The following INSM1 variants were observed in gnomAD, a reference collection of about 807,000 sequenced individuals.
The protein encoded by INSM1 is insulinoma-associated protein 1.
In INSM1, 11 loss-of-function variants were observed where a neutral mutation model predicts 21.1. The observed-to-expected ratio is 0.52, with a 90% CI of 0.33 to 0.86. The LOEUF is 0.86. INSM1 is among the 40% of genes least tolerant of loss of function. The pLI is 0.03. For synonymous variants in INSM1, 473 were observed against 386.1 expected, an observed-to-expected ratio of 1.23 and a Z score of -2.64; for missense variants, 843 against 760.1, an observed-to-expected ratio of 1.11 and a Z score of -1.28.
Position 20,368,336 on chromosome 20 carries a change from C to A in INSM1, c.69C>A (p.Gly23=). 1 of 1,277,214 alleles carries A rather than the reference C, an allele frequency of 7.8e-7. No individual in the cohort carries two copies. Among genetic ancestry groups the A allele is most frequent in the Non-Finnish European group, 1.0e-6 (1 of 994,208 alleles). The allele number at this position is 1,277,214 out of a possible 1,614,324, so 79.1% of individuals were successfully genotyped here. Residue 23 remains glycine, a synonymous_variant, in exon 1 of 1, where the codon GGC becomes GGA. Coordinates refer to ENST00000310227, the MANE Select transcript of INSM1 (RefSeq NM_002196.3). This position sits in a 1 kb window ranked among gnomAD's most constrained non-coding sequence, Gnocchi z 4.3. The part of the protein sequence containing the change: ...STPVSYRVRG[G]EDGDRALLLS... ...CCGTTTCCTACCGGGTCCGCGGCGG[C>A]GAGGACGGCGACCGCGCACTGCTGC...
chr20:20,369,521 G>A lies in INSM1; in HGVS notation c.1254G>A (p.Ala418=), dbSNP rs944093350. 8 of 1,551,726 alleles carry A rather than the reference G, an allele frequency of 5.2e-6. No individual in the cohort carries two copies. The highest frequency in any genetic ancestry group is 3.9e-5 in the Admixed American group (2 of 51,868). The stretch of plus-strand genomic sequence containing the variant: ...TGTACCCCGGGCCCGACGAGAAGGC[G>A]CCCCAGGAGGCGGCCGGCGACGGCG... The part of the protein sequence containing the change: ...LALYPGPDEK[A]PQEAAGDGEG... Residue 418 remains alanine, a synonymous_variant, in exon 1 of 1, where the codon GCG becomes GCA. Transcript: ENST00000310227. The surrounding 1 kb of genome is among the most constrained non-coding windows in gnomAD (Gnocchi z 5.6).
Position 20,369,292 on chromosome 20 carries a change from C to A in INSM1, c.1025C>A (p.Ala342Glu). 1 of 1,371,418 alleles carries A rather than the reference C, an allele frequency of 7.3e-7. No homozygotes were observed. The highest frequency in any genetic ancestry group is 9.3e-7 in the Non-Finnish European group (1 of 1,075,152). The allele number at this position is 1,371,418 out of a possible 1,614,324, so 85.0% of individuals were successfully genotyped here. The stretch of plus-strand genomic sequence containing the variant: ...GCAGCCAGGGCTGAGGCGCGGGAGG[C>A]ACCCGGCGGCGGCAGCGACCGGGAC... ...EAAARAEARE[A>E]PGGGSDRDTP... is the part of the protein sequence containing the mutation. The change falls in exon 1 of 1, where the codon GCA becomes GAA. Residue 342 changes from alanine to glutamate, a missense_variant. Transcript: ENST00000310227. The surrounding 1 kb of genome is among the most constrained non-coding windows in gnomAD (Gnocchi z 5.6).
Position 20,368,900 on chromosome 20 carries a change from C to T in INSM1, c.633C>T (p.Pro211=). 2.7e-6 allele frequency: 4 copies of T among 1,491,438 alleles called. No homozygotes were observed. Among genetic ancestry groups the T allele is most frequent in the South Asian group, 1.3e-5 (1 of 78,288 alleles). The allele number at this position is 1,491,438 out of a possible 1,614,324, so 92.4% of individuals were successfully genotyped here. ...RPPPPTAAEP[P]AKAVKAPGAK... ...CGCCCCCTACCGCCGCGGAGCCGCCCGCCAAGGCAGTCAAGGCCCCGGGCG... is the reference window on the plus strand; with the variant it reads ...CGCCCCCTACCGCCGCGGAGCCGCCTGCCAAGGCAGTCAAGGCCCCGGGCG... Residue 211 remains proline (P), a synonymous_variant, in exon 1 of 1, where the codon CCC becomes CCT. Transcript: ENST00000310227. This position sits in a 1 kb window ranked among gnomAD's most constrained non-coding sequence, Gnocchi z 4.3.
In INSM1 at chr20:20,368,985, G is replaced by C. The variant is rs866257491; in HGVS notation, c.718G>C (p.Val240Leu). 4.5e-6 allele frequency: 7 copies of C among 1,548,820 alleles called. No individual in the cohort carries two copies. The highest frequency in any genetic ancestry group is 4.3e-6 in the Non-Finnish European group (5 of 1,150,216). ...HFEDEVTTSP[V>L]LGLKIKEGPV... Reference sequence around the variant, plus strand: ...CGAGGACGAGGTGACCACGTCGCCCGTGCTGGGGCTCAAGATCAAGGAGGG... The same window carrying C: ...CGAGGACGAGGTGACCACGTCGCCCCTGCTGGGGCTCAAGATCAAGGAGGG... Residue 240 changes from valine to leucine, a missense_variant, in exon 1 of 1, where the codon GTG becomes CTG. By Grantham distance (32) the Val-to-Leu change is conservative. Transcript: ENST00000310227. The surrounding 1 kb of genome is among the most constrained non-coding windows in gnomAD (Gnocchi z 4.3).
In INSM1 at chr20:20,369,760, A is replaced by C; in HGVS notation, c.1493A>C (p.Gln498Pro). ...INKCHPSENR[Q>P]VILLQVPVRP... is the part of the protein sequence containing the mutation. ...AAGTGCCACCCATCCGAAAACAGAC[A>C]GGTGATCCTCCTGCAGGTGCCCGTG... Residue 498 changes from glutamine (Q) to proline (P), a missense_variant, in exon 1 of 1, where the codon CAG (glutamine) becomes CCG (proline). By Grantham distance (76) the Gln-to-Pro change is moderately conservative (BLOSUM62 -1). Coordinates refer to ENST00000310227, the MANE Select transcript of INSM1 (RefSeq NM_002196.3). This position sits in a 1 kb window ranked among gnomAD's most constrained non-coding sequence, Gnocchi z 5.6. The C allele has an allele frequency of 1.2e-6, 2 of 1,604,146 alleles. No individual in the cohort carries two copies. Among genetic ancestry groups the C allele is most frequent in the Non-Finnish European group, 1.7e-6 (2 of 1,178,506 alleles).
chr20:20,368,606 C>T lies in INSM1; in HGVS notation c.339C>T (p.His113=), dbSNP rs746281549. The change falls in exon 1 of 1, where the codon CAC becomes CAT. Residue 113 remains histidine, a synonymous_variant. Coordinates refer to ENST00000310227, the MANE Select transcript of INSM1 (RefSeq NM_002196.3). This position sits in a 1 kb window ranked among gnomAD's most constrained non-coding sequence, Gnocchi z 4.3. ...TRPVSREHEK[H]KYFERSFNLG... is the part of the protein sequence containing the mutation. ...CCGTGAGCCGCGAGCACGAGAAGCA[C>T]AAGTACTTCGAACGCAGCTTCAACC... 6.8e-7 allele frequency: 1 copy of T among 1,470,998 alleles called. No homozygotes were observed. The highest frequency in any genetic ancestry group is 9.1e-7 in the Non-Finnish European group (1 of 1,099,270). 91.1% of individuals were successfully genotyped at this position (1,470,998 alleles called of 1,614,324 possible). A position where few individuals can be genotyped will look rare whatever the true frequency, so the allele number is the denominator to read the frequency against.
Position 20,368,999 on chromosome 20 carries a change from G to T in INSM1, c.732G>T (p.Lys244Asn). Residue 244 changes from lysine to asparagine, a missense_variant, in exon 1 of 1, where the codon AAG (lysine) becomes AAT (asparagine). Lys to Asn is a moderately conservative substitution (Grantham distance 94). Coordinates refer to ENST00000310227, the MANE Select transcript of INSM1 (RefSeq NM_002196.3). This position sits in a 1 kb window ranked among gnomAD's most constrained non-coding sequence, Gnocchi z 4.3. ...EVTTSPVLGL[K>N]IKEGPVEAPR... ...CCACGTCGCCCGTGCTGGGGCTCAA[G>T]ATCAAGGAGGGCCCGGTGGAGGCGC... 1 of 1,541,350 alleles carries T rather than the reference G, an allele frequency of 6.5e-7. No homozygotes were observed. The highest frequency in any genetic ancestry group is 2.5e-5 in the East Asian group (1 of 39,376).
chr20:20,369,937 C>G lies in INSM1; in HGVS notation c.*137C>G. ...CCCCCACCGGGTGAAAGTGTCGTCT[C>G]CGCTTCTCTCGGTGTGGCGTGACGG... On this transcript the variant is annotated 3_prime_UTR_variant, in exon 1 of 1. Coordinates refer to ENST00000310227, the MANE Select transcript of INSM1 (RefSeq NM_002196.3). The surrounding 1 kb of genome is among the most constrained non-coding windows in gnomAD (Gnocchi z 5.6). 4 of 724,718 alleles carry G rather than the reference C, an allele frequency of 5.5e-6. No homozygotes were observed. The highest frequency in any genetic ancestry group is 9.0e-6 in the Non-Finnish European group (4 of 443,402). The allele number at this position is 724,718 out of a possible 1,614,324, so 44.9% of individuals were successfully genotyped here.
In INSM1 at chr20:20,369,603, T is replaced by C. The variant is rs1569343411; in HGVS notation, c.1336T>C (p.Cys446Arg). ...CGCCGAGTGCCACCTGTGCCCAGTG[T>C]GCGGAGAGTCGTTCGCCAGCAAGGG... Reference protein sequence around the residue: ...ASAECHLCPVCGESFASKGAQ... With the variant: ...ASAECHLCPVRGESFASKGAQ... Residue 446 changes from cysteine to arginine, a missense_variant, in exon 1 of 1, where the codon TGC (cysteine) becomes CGC (arginine). Cys to Arg is a radical substitution (Grantham distance 180, BLOSUM62 -3). Transcript: ENST00000310227. The surrounding 1 kb of genome is among the most constrained non-coding windows in gnomAD (Gnocchi z 5.6). 1 of 1,600,428 alleles carries C rather than the reference T, an allele frequency of 6.2e-7. No homozygotes were observed. Among genetic ancestry groups the C allele is most frequent in the Non-Finnish European group, 8.5e-7 (1 of 1,179,590 alleles).
Position 20,368,997 on chromosome 20 carries a change from A to G in INSM1, c.730A>G (p.Lys244Glu). 6.5e-7 allele frequency: 1 copy of G among 1,543,072 alleles called. No individual in the cohort carries two copies. Among genetic ancestry groups the G allele is most frequent in the Non-Finnish European group, 8.7e-7 (1 of 1,146,928 alleles). ...EVTTSPVLGL[K>E]IKEGPVEAPR... ...GACCACGTCGCCCGTGCTGGGGCTC[A>G]AGATCAAGGAGGGCCCGGTGGAGGC... Residue 244 changes from lysine to glutamate, a missense_variant, in exon 1 of 1, where the codon AAG (lysine) becomes GAG (glutamate). Coordinates refer to ENST00000310227, the MANE Select transcript of INSM1 (RefSeq NM_002196.3). This position sits in a 1 kb window ranked among gnomAD's most constrained non-coding sequence, Gnocchi z 4.3.
chr20:20,368,822 C>T lies in INSM1; in HGVS notation c.555C>T (p.Pro185=). The stretch of plus-strand genomic sequence containing the variant: ...CCGAGGCGGCCCGCGGCCCGGGCCC[C>T]GGCCCCCCACTGCCCCCTGCCGCCG... The part of the protein sequence containing the change: ...AGAEAARGPG[P]GPPLPPAAAL... The change falls in exon 1 of 1, where the codon CCC becomes CCT. Residue 185 remains proline (P), a synonymous_variant. Transcript: ENST00000310227. This position sits in a 1 kb window ranked among gnomAD's most constrained non-coding sequence, Gnocchi z 4.3. The T allele has an allele frequency of 2.7e-6, 3 of 1,125,168 alleles. 1 individual carries two copies. The South Asian group carries it at 1.3e-4, about 47-fold the overall frequency. The allele number at this position is 1,125,168 out of a possible 1,614,324, so 69.7% of individuals were successfully genotyped here. A position where few individuals can be genotyped will look rare whatever the true frequency, so the allele number is the denominator to read the frequency against.
Position 20,369,825 on chromosome 20 carries a change from G to T in INSM1, c.*25G>T. 1.3e-6 allele frequency: 2 copies of T among 1,562,020 alleles called. No homozygotes were observed. The highest frequency in any genetic ancestry group is 1.7e-6 in the Non-Finnish European group (2 of 1,152,600). On this transcript the variant is annotated 3_prime_UTR_variant, in exon 1 of 1. Coordinates refer to ENST00000310227, the MANE Select transcript of INSM1 (RefSeq NM_002196.3). The surrounding 1 kb of genome is among the most constrained non-coding windows in gnomAD (Gnocchi z 5.6). ...GAGCGCGCCCTCCACCCCGGCCCCC[G>T]AACTGTGCCTTCGCTTGGAGACCCA...
In INSM1 at chr20:20,368,760, G is replaced by T; in HGVS notation, c.493G>T (p.Ala165Ser). 14 of 1,153,368 alleles carry T rather than the reference G, an allele frequency of 1.2e-5. No homozygotes were observed. Among genetic ancestry groups the T allele is most frequent in the Non-Finnish European group, 1.5e-5 (14 of 922,516 alleles). The allele number at this position is 1,153,368 out of a possible 1,614,324, so 71.4% of individuals were successfully genotyped here. ...CGGDPLLFAP[A>S]ELKMGTAFSA... ...CGGCGACCCGCTGCTCTTCGCGCCCGCCGAGCTCAAGATGGGCACGGCGTT... is the reference window on the plus strand; with the variant it reads ...CGGCGACCCGCTGCTCTTCGCGCCCTCCGAGCTCAAGATGGGCACGGCGTT... Residue 165 changes from alanine (A) to serine (S), a missense_variant, in exon 1 of 1, where the codon GCC (alanine) becomes TCC (serine). Transcript: ENST00000310227. The surrounding 1 kb of genome is among the most constrained non-coding windows in gnomAD (Gnocchi z 4.3).
chr20:20,370,037 G>T lies in INSM1; in HGVS notation c.*237G>T. Reference sequence around the variant, plus strand: ...TGTGTCCCTCCGCCTCCCCCATGGCGCAACAGGAGTCAGTCTCTTTCTGTA... The same window carrying T: ...TGTGTCCCTCCGCCTCCCCCATGGCTCAACAGGAGTCAGTCTCTTTCTGTA... On this transcript the variant is annotated 3_prime_UTR_variant, in exon 1 of 1. Transcript: ENST00000310227. 3 of 520,498 alleles carry T rather than the reference G, an allele frequency of 5.8e-6. No homozygotes were observed. The highest frequency in any genetic ancestry group is 3.3e-5 in the South Asian group (1 of 30,762). 32.2% of individuals were successfully genotyped at this position (520,498 alleles called of 1,614,324 possible). A position where few individuals can be genotyped will look rare whatever the true frequency, so the allele number is the denominator to read the frequency against.
At position 20,369,384 on chromosome 20, in the gene INSM1, G is replaced by A. The variant is rs749966935; in HGVS notation, c.1117G>A (p.Ala373Thr). ...EDGLYECHHC[A>T]KKFRRQAYLR... The stretch of plus-strand genomic sequence containing the variant: ...CGGGCTCTACGAGTGCCATCACTGC[G>A]CCAAGAAGTTCCGCCGCCAGGCCTA... Residue 373 changes from alanine (A) to threonine (T), a missense_variant, in exon 1 of 1, where the codon GCC (alanine) becomes ACC (threonine). Transcript: ENST00000310227. This position sits in a 1 kb window ranked among gnomAD's most constrained non-coding sequence, Gnocchi z 5.6. 6 of 1,549,778 alleles carry A rather than the reference G, an allele frequency of 3.9e-6. No individual in the cohort carries two copies. In the East Asian group the frequency reaches 9.9e-5, roughly 26 times the overall value.
chr20:20,368,990 G>A lies in INSM1; in HGVS notation c.723G>A (p.Leu241=), dbSNP rs780558061. The change falls in exon 1 of 1, where the codon CTG becomes CTA. Residue 241 remains leucine, a synonymous_variant. Transcript: ENST00000310227. This position sits in a 1 kb window ranked among gnomAD's most constrained non-coding sequence, Gnocchi z 4.3. ...FEDEVTTSPV[L]GLKIKEGPVE... ...ACGAGGTGACCACGTCGCCCGTGCT[G>A]GGGCTCAAGATCAAGGAGGGCCCGG... The A allele has an allele frequency of 9.7e-6, 15 of 1,547,134 alleles. No individual in the cohort carries two copies. In the Middle Eastern group the frequency reaches 7.5e-4, roughly 77 times the overall value.
Position 20,368,375 on chromosome 20 carries a change from C to CG in INSM1, c.113dup (p.Ala39ArgfsTer300). 5 of 1,085,342 alleles carry CG rather than the reference C, an allele frequency of 4.6e-6. No homozygotes were observed. The highest frequency in any genetic ancestry group is 2.8e-5 in the South Asian group (1 of 35,604). The allele number at this position is 1,085,342 out of a possible 1,614,324, so 67.2% of individuals were successfully genotyped here. Reference sequence around the variant, plus strand: ...GCGCACTGCTGCTCTCGCCCAGCTGCGGGGGCGCCCGCGCCGAGCCCCCGG... The same window carrying CG: ...GCGCACTGCTGCTCTCGCCCAGCTGCGGGGGGCGCCCGCGCCGAGCCCCCGG... On this transcript the variant is annotated frameshift_variant, in exon 1 of 1. Transcript: ENST00000310227. LOFTEE classifies it low-confidence loss of function (END_TRUNC). The surrounding 1 kb of genome is among the most constrained non-coding windows in gnomAD (Gnocchi z 4.3).
In INSM1 at chr20:20,368,639, G is replaced by A; in HGVS notation, c.372G>A (p.Ser124=). 6.9e-7 allele frequency: 1 copy of A among 1,439,580 alleles called. No homozygotes were observed. The highest frequency in any genetic ancestry group is 9.2e-7 in the Non-Finnish European group (1 of 1,081,328). The allele number at this position is 1,439,580 out of a possible 1,614,324, so 89.2% of individuals were successfully genotyped here. A position where few individuals can be genotyped will look rare whatever the true frequency, so the allele number is the denominator to read the frequency against. ...TCGAACGCAGCTTCAACCTGGGCTC[G>A]CCGGTCTCGGCCGAGTCCTTCCCCA... ...KYFERSFNLG[S]PVSAESFPTP... Residue 124 remains serine (S), a synonymous_variant, in exon 1 of 1, where the codon TCG becomes TCA. Coordinates refer to ENST00000310227, the MANE Select transcript of INSM1 (RefSeq NM_002196.3). The surrounding 1 kb of genome is among the most constrained non-coding windows in gnomAD (Gnocchi z 4.3).
Position 20,369,554 on chromosome 20 carries a change from C to T in INSM1, c.1287C>T (p.Ala429=), listed in dbSNP as rs760326605. The T allele has an allele frequency of 3.2e-6, 5 of 1,581,828 alleles. No individual in the cohort carries two copies. Among genetic ancestry groups the T allele is most frequent in the Admixed American group, 1.7e-5 (1 of 57,406 alleles). Residue 429 remains alanine (A), a synonymous_variant, in exon 1 of 1, where the codon GCC becomes GCT. Transcript: ENST00000310227. The surrounding 1 kb of genome is among the most constrained non-coding windows in gnomAD (Gnocchi z 5.6). ...PQEAAGDGEG[A]GVLGLSASAE... ...AGGCGGCCGGCGACGGCGAGGGGGC[C>T]GGCGTGCTGGGCCTGAGTGCGTCCG... is the stretch of plus-strand genomic sequence containing the variant.
Sources: gnomAD v4.1 joint callset for allele counts on GRCh38, gnomAD v4.1.1 for gene constraint, Gnocchi (gnomAD v3.1) non-coding constraint, MANE v1.5 for transcripts, NCBI Gene and HGNC (gene_info 2026-07-23, HGNC 2026-07-21) for gene names.